Variants in LINGO2 observed in about 807,000 individuals in gnomAD.
LINGO2 encodes leucine-rich repeat and immunoglobulin-like domain-containing nogo receptor-interacting protein 2.
LINGO2 carries 14 observed loss-of-function variants against 30.6 expected under a neutral mutation model. That is an observed-to-expected ratio of 0.46 (90% CI 0.30 to 0.72). The LOEUF is 0.72. Among genes scored for constraint, LINGO2 ranks in the 30% least tolerant of loss-of-function variants. The pLI, the probability that LINGO2 is intolerant of heterozygous loss-of-function variation, is 0.07. For synonymous variants in LINGO2, 317 were observed against 288.5 expected, an observed-to-expected ratio of 1.10 and a Z score of -1.00; for missense variants, 729 against 751.7, an observed-to-expected ratio of 0.97 and a Z score of 0.35.
chr9:28,600,741 T>C (rs1430390721), intron 1 of LINGO2, among the ~76,000 whole-genome samples: 2 of 152,122 alleles, frequency 1.3e-5, no homozygotes, highest in Admixed American at 6.6e-5. Flanking sequence ...TACTAGCTGT[T>C]TGTGGCTAAA....
At chr9:28,202,002 C>G (rs1338508340) in intron 4 of LINGO2, among the ~76,000 whole-genome samples, 1 of 152,090 alleles carries the variant, frequency 6.6e-6, no homozygotes, top group African/African-American at 2.4e-5. Context: ...TATTCTATGC[C>G]TCCCACAGTT....
In LINGO2 at chr9:28,606,816, G is replaced by C. The variant is rs542036491; in HGVS notation, c.-365+63384C>G. On this transcript the variant is annotated intron_variant, in intron 1 of 5. Transcript: ENST00000379992. ...ATTATGTAAAATTGAATCATAAAACGAGTTAGTGGAATAGGAGGATTATAT... is the reference window on the plus strand; with the variant it reads ...ATTATGTAAAATTGAATCATAAAACCAGTTAGTGGAATAGGAGGATTATAT... 3.4e-4 allele frequency among the ~76,000 whole-genome samples: 52 copies of C among 152,112 alleles called. No homozygotes were observed. The South Asian group carries it at 5.4e-3, about 16-fold the overall frequency.
At chr9:28,229,363 A>T (rs1458433521) in intron 4 of LINGO2, among the ~76,000 whole-genome samples, 1 of 151,790 alleles carries the variant, frequency 6.6e-6, no homozygotes, top group Non-Finnish European at 1.5e-5. Flanking sequence ...ATAAAAGTCT[A>T]TAATAACTGT....
At chr9:28,330,372 G>C (rs1304428114) in intron 3 of LINGO2, among the ~76,000 whole-genome samples, 1 of 152,100 alleles carries the variant, frequency 6.6e-6, no homozygotes, top group Non-Finnish European at 1.5e-5. Flanking sequence ...AAAATTAAGC[G>C]TAAAGTACAG....
intron 3 of LINGO2, among the ~76,000 whole-genome samples, chr9:28,304,960 T>C (rs1181232541): frequency 2.0e-5 from 3 of 152,044 alleles, no homozygotes; most frequent in Admixed American, 1.3e-4. Flanking sequence ...TTTAATTCTA[T>C]TACTTATCAA....
At chr9:28,993,359 T>G in the LINGO2 span, among the ~76,000 whole-genome samples, 1 of 152,120 alleles carries the variant, frequency 6.6e-6, no homozygotes, top group Non-Finnish European at 1.5e-5. Context: ...GGCTCTGAAA[T>G]TGTGGCAATA....
At chr9:28,883,628 G>GTGTGTTTTTA in the LINGO2 span, among the ~76,000 whole-genome samples, 1 of 64,180 alleles carries the variant, frequency 1.6e-5, no homozygotes, top group Admixed American at 2.0e-4. Flanking sequence ...ATGTGTGTGT[G>GTGTGTTTTTA]TATATATATA....
the LINGO2 span, among the ~76,000 whole-genome samples, chr9:28,881,094 G>A: frequency 1.3e-5 from 2 of 151,966 alleles, no homozygotes; most frequent in Admixed American, 6.6e-5. Context: ...GCTGAGTGCC[G>A]GTCCCCTGGG....
At chr9:28,679,218 C>A in the LINGO2 span, among the ~76,000 whole-genome samples, 403 of 152,032 alleles carry the variant, frequency 2.7e-3, 2 homozygotes, top group African/African-American at 9.1e-3. Context: ...AAAAAAAATT[C>A]TAATATAATA....
the LINGO2 span, among the ~76,000 whole-genome samples, chr9:28,829,732 A>G: frequency 1.3e-5 from 2 of 152,144 alleles, no homozygotes; most frequent in Admixed American, 1.3e-4. Flanking sequence ...TAATGAAGAT[A>G]CAAAAAAGCT....
intron 1 of LINGO2, among the ~76,000 whole-genome samples, chr9:28,606,634 A>T (rs938060049): frequency 1.3e-5 from 2 of 152,020 alleles, no homozygotes; most frequent in African/African-American, 4.8e-5. Context: ...ATGAGGTAAA[A>T]TTTGTTACTC....
At chr9:28,618,024 G>C (rs1265259876) in intron 1 of LINGO2, among the ~76,000 whole-genome samples, 3 of 152,154 alleles carry the variant, frequency 2.0e-5, no homozygotes, top group Non-Finnish European at 4.4e-5. Flanking sequence ...AGTTAATGAA[G>C]TTTTAAGAGC....
At chr9:28,338,110 C>G (rs1162939992) in intron 3 of LINGO2, among the ~76,000 whole-genome samples, 1 of 152,180 alleles carries the variant, frequency 6.6e-6, no homozygotes, top group Non-Finnish European at 1.5e-5. Flanking sequence ...GGCAAAGCCA[C>G]AGGAACAGAG....
At chr9:29,066,077 T>C in the LINGO2 span, among the ~76,000 whole-genome samples, 1 of 151,930 alleles carries the variant, frequency 6.6e-6, no homozygotes, top group African/African-American at 2.4e-5. Context: ...GAGAGCTAAG[T>C]CAAGTATCAT....
chr9:28,510,879 C>A (rs887299896), intron 1 of LINGO2, among the ~76,000 whole-genome samples: 1 of 152,050 alleles, frequency 6.6e-6, no homozygotes, highest in Admixed American at 6.5e-5. Context: ...GAGAACGAGT[C>A]CAAGTCCCAA....
the LINGO2 span, among the ~76,000 whole-genome samples, chr9:29,157,290 C>T: frequency 6.6e-6 from 1 of 152,078 alleles, no homozygotes; most frequent in South Asian, 2.1e-4. Flanking sequence ...TGTTCAACTA[C>T]ATAAGTACGG....
At chr9:28,045,153 T>TC (rs1280830859) in intron 4 of LINGO2, among the ~76,000 whole-genome samples, 2 of 151,650 alleles carry the variant, frequency 1.3e-5, no homozygotes, top group African/African-American at 2.4e-5. Flanking sequence ...TCCGGTCCAT[T>TC]CCCACCACTA....
At chr9:28,991,524 G>A in the LINGO2 span, among the ~76,000 whole-genome samples, 1 of 128,190 alleles carries the variant, frequency 7.8e-6, no homozygotes, top group South Asian at 2.7e-4. Context: ...ACGCCAAAAA[G>A]ATACTCCTCG....
the LINGO2 span, among the ~76,000 whole-genome samples, chr9:28,828,600 C>A: frequency 2.8e-5 from 4 of 144,826 alleles, no homozygotes; most frequent in Non-Finnish European, 6.1e-5. Context: ...TAGAGGCAAC[C>A]TTTTTTTTTT....
Sources: gnomAD v4.1 joint callset for allele counts (sites outside exome capture counted in the v4.1 genomes callset) on GRCh38, gnomAD v4.1.1 for gene constraint, MANE v1.5 for transcripts, NCBI Gene and HGNC (gene_info 2026-07-23, HGNC 2026-07-21) for gene names.